Variants in PARD3B observed in about 807,000 individuals in gnomAD.
The protein encoded by PARD3B is par-3 family cell polarity regulator beta.
In PARD3B, 103 loss-of-function variants were observed where a neutral mutation model predicts 130.2. The observed-to-expected ratio is 0.79, with a 90% confidence interval of 0.67 to 0.93. PARD3B has a LOEUF of 0.93. Ranked by LOEUF, PARD3B falls within the 40% of genes least tolerant of loss-of-function variation. The pLI is 0.00. For synonymous variants in PARD3B, 583 were observed against 553.2 expected (o/e 1.05, Z -0.76); for missense variants, 1,609 against 1,499.2 (o/e 1.07, Z -1.21).
chr2:204,699,964 C>T (rs1163758767), intron 2 of PARD3B, among the ~76,000 whole-genome samples: 2 of 152,080 alleles, frequency 1.3e-5, no homozygotes, highest in Non-Finnish European at 2.9e-5. Context: ...TATGTATATA[C>T]ACTAACAGAA....
chr2:205,059,667 C>T (rs1428390721), intron 4 of PARD3B, among the ~76,000 whole-genome samples: 1 of 152,054 alleles, frequency 6.6e-6, no homozygotes, highest in Non-Finnish European at 1.5e-5. Context: ...GCTTGAATTT[C>T]CTTCCACATT....
At chr2:205,193,383 A>C in intron 15 of PARD3B, 63 bp downstream of exon 15, 1 of 1,285,752 alleles carries the variant, frequency 7.8e-7, no homozygotes, top group Non-Finnish European at 1.1e-6. Flanking sequence ...ATCTTCCCAA[A>C]TGTCCTGGTT....
chr2:204,798,054 C>T lies in PARD3B; in HGVS notation c.222+111772C>T, dbSNP rs1379751833. Among the ~76,000 whole-genome samples the T allele has an allele frequency of 2.0e-5, 3 of 152,168 alleles. No individual in the cohort carries two copies. The East Asian group carries it at 5.8e-4, about 29-fold the overall frequency. ...AGGAACAACAGATAGAACAACTATC[C>T]ACTCAAGAAAGTACCTTCATAAGAA... On this transcript the variant is annotated intron_variant, in intron 2 of 22. Coordinates refer to ENST00000406610, the MANE Select transcript of PARD3B (RefSeq NM_001302769.2).
intron 22 of PARD3B, among the ~76,000 whole-genome samples, chr2:205,576,731 G>A (rs890766410): frequency 4.6e-5 from 7 of 152,078 alleles, no homozygotes; most frequent in Non-Finnish European, 7.4e-5. Flanking sequence ...GCTATTATCG[G>A]TTCTCTAAGT....
rs565387594 is a variant in PARD3B, at chr2:205,486,354, C to T, written c.3045-13542C>T. Among the ~76,000 whole-genome samples, 39 of 152,294 alleles carry T rather than the reference C, an allele frequency of 2.6e-4. 1 individual carries two copies. In the South Asian group the frequency reaches 6.4e-3, roughly 25 times the overall value. ...CCTAGGGTTAGCAGAGCTCACTTTG[C>T]ATCTAGGCTAATGAGAGCTGTGGGA... On this transcript the variant is annotated intron_variant, in intron 20 of 22. Coordinates refer to ENST00000406610, the MANE Select transcript of PARD3B (RefSeq NM_001302769.2).
At chr2:205,009,124 G>A (rs970283696) in intron 3 of PARD3B, among the ~76,000 whole-genome samples, 2 of 152,156 alleles carry the variant, frequency 1.3e-5, no homozygotes, top group African/African-American at 4.8e-5. Flanking sequence ...TGTATTATAT[G>A]ATTAATTCTG....
At chr2:204,552,422 C>G (rs1042244176) in intron 1 of PARD3B, among the ~76,000 whole-genome samples, 1 of 152,108 alleles carries the variant, frequency 6.6e-6, no homozygotes, top group Non-Finnish European at 1.5e-5. Context: ...CAAGAAGGAG[C>G]AGTGAACAAA....
At chr2:205,056,880 CACAA>C (rs751621359) in intron 4 of PARD3B, among the ~76,000 whole-genome samples, 2 of 148,240 alleles carry the variant, frequency 1.3e-5, no homozygotes, top group African/African-American at 5.0e-5. Context: ...TTTTAAAGGA[CACAA>C]ACACACACAC....
In PARD3B at chr2:204,943,437, G is replaced by A. The variant is rs1689074941; in HGVS notation, c.223-21715G>A. Among the ~76,000 whole-genome samples the A allele has an allele frequency of 6.6e-6, 1 of 151,918 alleles. No homozygotes were observed. Among genetic ancestry groups the A allele is most frequent in the African/African-American group, 2.4e-5 (1 of 41,338 alleles). ...CTCATGGAGTTCTTACTGGTCCCCAGGTTAACCTAGGGAGTTGATACAGTG... is the reference window on the plus strand; with the variant it reads ...CTCATGGAGTTCTTACTGGTCCCCAAGTTAACCTAGGGAGTTGATACAGTG... On this transcript the variant is annotated intron_variant, in intron 2 of 22. Transcript: ENST00000406610. The surrounding 1 kb of genome is among the most constrained non-coding windows in gnomAD (Gnocchi z 4.2).
chr2:204,770,569 G>A (rs1028246273), intron 2 of PARD3B, among the ~76,000 whole-genome samples: 4 of 152,046 alleles, frequency 2.6e-5, no homozygotes, highest in Admixed American at 6.6e-5. Context: ...ATGTGGCAAC[G>A]TTCTTTGAGA....
chr2:205,611,218 C>T (rs1167375837), intron 22 of PARD3B, among the ~76,000 whole-genome samples: 1 of 152,206 alleles, frequency 6.6e-6, no homozygotes, highest in Non-Finnish European at 1.5e-5. Context: ...CATGCCCCTT[C>T]ATCTGTTCCA....
chr2:205,304,092 A>C (rs147611841), intron 18 of PARD3B, among the ~76,000 whole-genome samples: 63 of 152,316 alleles, frequency 4.1e-4, no homozygotes, highest in Admixed American at 1.2e-3. Context: ...AAATTTCTAC[A>C]TAGAAAAGAA....
At chr2:205,271,259 A>G (rs2040713673) in intron 16 of PARD3B, among the ~76,000 whole-genome samples, 1 of 152,212 alleles carries the variant, frequency 6.6e-6, no homozygotes, top group Non-Finnish European at 1.5e-5. Context: ...TTCAAGCCTT[A>G]GCAAAATATC....
chr2:204,832,098 C>T (rs533184076), intron 2 of PARD3B, among the ~76,000 whole-genome samples: 8 of 152,084 alleles, frequency 5.3e-5, no homozygotes, highest in African/African-American at 1.7e-4. Flanking sequence ...TGGTGGTGGG[C>T]GCCTGTAGTC....
chr2:204,552,438 G>T (rs2030531229), intron 1 of PARD3B, among the ~76,000 whole-genome samples: 1 of 152,042 alleles, frequency 6.6e-6, no homozygotes, highest in Non-Finnish European at 1.5e-5. Context: ...ACAAAAATCT[G>T]GGCCATTTTT....
intron 3 of PARD3B, among the ~76,000 whole-genome samples, chr2:205,017,930 A>G (rs554889510): frequency 2.8e-4 from 43 of 152,330 alleles, no homozygotes; most frequent in Middle Eastern, 6.8e-3. Flanking sequence ...GTGGTTACAG[A>G]TAAGGAACTA....
chr2:205,506,891 A>G (rs897968069), intron 21 of PARD3B, among the ~76,000 whole-genome samples: 2 of 152,256 alleles, frequency 1.3e-5, no homozygotes, highest in African/African-American at 2.4e-5. Flanking sequence ...AAAGAAGTCC[A>G]TAACCATATC....
intron 3 of PARD3B, among the ~76,000 whole-genome samples, chr2:205,043,893 A>T (rs9750811): frequency 0.68 from 102,934 of 150,460 alleles, 35,591 homozygotes; most frequent in Middle Eastern, 0.77. Flanking sequence ...GCCATGCTGG[A>T]GTGCTGCACC....
intron 4 of PARD3B, among the ~76,000 whole-genome samples, chr2:205,102,914 C>T: frequency 6.6e-6 from 1 of 151,578 alleles, no homozygotes; most frequent in Non-Finnish European, 1.5e-5. Context: ...AATACAAAAG[C>T]AAAATTAGCC....
Sources: allele counts gnomAD v4.1 joint callset (sites outside exome capture counted in the v4.1 genomes callset), GRCh38; gene constraint gnomAD v4.1.1; non-coding constraint Gnocchi (gnomAD v3.1); transcripts MANE v1.5; gene names NCBI Gene and HGNC (gene_info 2026-07-23, HGNC 2026-07-21).